Variants in TRIM24 observed in about 807,000 individuals in gnomAD.
TRIM24 encodes transcription intermediary factor 1-alpha.
In TRIM24, 29 loss-of-function variants were observed where a neutral mutation model predicts 123.9. The ratio of observed to expected loss-of-function variants is 0.23; its 90% CI spans 0.17 to 0.32. The LOEUF is 0.32. Among genes scored for constraint, TRIM24 ranks in the 10% least tolerant of loss-of-function variants. The pLI is 1.00. For missense variants in TRIM24, 932 were observed against 1,295.3 expected, an observed-to-expected ratio of 0.72 and a Z score of 4.31; for synonymous variants, 456 against 461.1, an observed-to-expected ratio of 0.99 and a Z score of 0.14.
At chr7:138,560,459 T>C (rs1039212361) in intron 9 of TRIM24, among the ~76,000 whole-genome samples, 7 of 152,170 alleles carry the variant, frequency 4.6e-5, no homozygotes, top group Admixed American at 2.0e-4. Flanking sequence ...AGCCTCTGGC[T>C]CGGGGCAGCT....
chr7:138,569,573 G>A (rs889305266), intron 10 of TRIM24, among the ~76,000 whole-genome samples: 3 of 152,090 alleles, frequency 2.0e-5, no homozygotes, highest in South Asian at 2.1e-4. Context: ...AACCTGAAAC[G>A]ATCCACCAAC....
chr7:138,551,269 A>T, intron 8 of TRIM24, 89 bp downstream of exon 8: 1 of 1,181,746 alleles, frequency 8.5e-7, no homozygotes, highest in Non-Finnish European at 1.3e-6. Flanking sequence ...ATGTTCACTT[A>T]GGCTGGGCAC....
intron 5 of TRIM24, among the ~76,000 whole-genome samples, chr7:138,527,294 A>G (rs1311155538): frequency 6.6e-6 from 1 of 152,040 alleles, no homozygotes; most frequent in African/African-American, 2.4e-5. Context: ...TTTTTCTTCT[A>G]CAAAATAATA....
At chr7:138,497,120 AAG>A (rs1795924007) in intron 1 of TRIM24, among the ~76,000 whole-genome samples, 1 of 152,116 alleles carries the variant, frequency 6.6e-6, no homozygotes, top group South Asian at 2.1e-4. Context: ...TCTTTTCTGA[AAG>A]AGTTTGCTTA....
intron 1 of TRIM24, among the ~76,000 whole-genome samples, chr7:138,470,152 G>A (rs964558128): frequency 1.1e-5 from 1 of 87,378 alleles, no homozygotes; most frequent in African/African-American, 4.8e-5. Context: ...TTTTTTTTGA[G>A]ATGGAGTCTC....
chr7:138,474,218 C>T (rs548912739), intron 1 of TRIM24, among the ~76,000 whole-genome samples: 39 of 151,806 alleles, frequency 2.6e-4, no homozygotes, highest in East Asian at 5.8e-4. Flanking sequence ...CTCTGCCTCC[C>T]GGGTTCACGC....
intron 6 of TRIM24, among the ~76,000 whole-genome samples, chr7:138,533,340 A>G (rs1796788996): frequency 6.6e-6 from 1 of 152,192 alleles, no homozygotes; most frequent in Non-Finnish European, 1.5e-5. Context: ...TCAGTATGAT[A>G]TTGACTGTGG....
intron 7 of TRIM24, among the ~76,000 whole-genome samples, chr7:138,540,224 A>G (rs955056774): frequency 1.3e-5 from 2 of 152,194 alleles, no homozygotes; most frequent in African/African-American, 2.4e-5. Flanking sequence ...AGCTGTGTCA[A>G]TATCTTAAAA....
chr7:138,536,277 A>AGG (rs1463111530), intron 6 of TRIM24, among the ~76,000 whole-genome samples: 1 of 151,950 alleles, frequency 6.6e-6, no homozygotes, highest in African/African-American at 2.4e-5. Flanking sequence ...GTTCCTTTGG[A>AGG]GGGGGAGAGG....
At chr7:138,469,282 AC>A (rs1168469468) in intron 1 of TRIM24, among the ~76,000 whole-genome samples, 10 of 151,740 alleles carry the variant, frequency 6.6e-5, no homozygotes, top group African/African-American at 2.2e-4. Flanking sequence ...AACTAGATGC[AC>A]AAGTTTTTCA....
At chr7:138,557,207 T>C (rs1797332402) in intron 9 of TRIM24, among the ~76,000 whole-genome samples, 1 of 152,208 alleles carries the variant, frequency 6.6e-6, no homozygotes. Flanking sequence ...CAAGGCTTTG[T>C]CAGGGCCCTG....
At chr7:138,575,399 C>T (rs1797735282) in intron 12 of TRIM24, among the ~76,000 whole-genome samples, 1 of 151,720 alleles carries the variant, frequency 6.6e-6, no homozygotes. Context: ...CTCTAGTGAT[C>T]CTCCTGCTTT....
chr7:138,511,229 G>C (rs1208882036), intron 2 of TRIM24, among the ~76,000 whole-genome samples: 3 of 152,088 alleles, frequency 2.0e-5, no homozygotes, highest in African/African-American at 7.2e-5. Flanking sequence ...TGAAGGGGCA[G>C]CAGGCTTGTC....
At chr7:138,523,827 A>G (rs1301147840) in intron 4 of TRIM24, among the ~76,000 whole-genome samples, 3 of 152,014 alleles carry the variant, frequency 2.0e-5, no homozygotes, top group Non-Finnish European at 2.9e-5. Flanking sequence ...ATTCTTTCCA[A>G]CTTGTTATAT....
At chr7:138,494,840 G>A (rs1380892629) in intron 1 of TRIM24, among the ~76,000 whole-genome samples, 1 of 151,956 alleles carries the variant, frequency 6.6e-6, no homozygotes, top group Admixed American at 6.6e-5. Flanking sequence ...TTATTTTAAG[G>A]GTACATCTGC....
intron 1 of TRIM24, among the ~76,000 whole-genome samples, chr7:138,500,288 G>C (rs548543415): frequency 6.6e-6 from 1 of 152,244 alleles, no homozygotes; most frequent in East Asian, 1.9e-4. Context: ...GGCCAGGTAT[G>C]ATGGGTTATG....
chr7:138,563,789 A>G (rs1404137847), intron 9 of TRIM24, among the ~76,000 whole-genome samples: 1 of 152,152 alleles, frequency 6.6e-6, no homozygotes, highest in African/African-American at 2.4e-5. Flanking sequence ...AACTTCTGAG[A>G]TATTTCCTAT....
At chr7:138,529,055 C>T (rs200523837) in intron 5 of TRIM24, 61 bp from the exon 6 acceptor site, 46 of 1,018,126 alleles carry the variant, frequency 4.5e-5, no homozygotes, top group South Asian at 3.9e-4. Context: ...GACATTAAAA[C>T]GTCAATTTTA....
intron 2 of TRIM24, among the ~76,000 whole-genome samples, chr7:138,508,692 T>TGTGTGTGTGTGTGCGCGCGCGCGCGC (rs1422176564): frequency 1.5e-5 from 2 of 137,214 alleles, no homozygotes; most frequent in African/African-American, 5.5e-5. Context: ...TGTGTGTGTG[T>TGTGTGTGTGTGTGCGCGCGCGCGCGC]GCGCGCGCGT....
Sources: gnomAD v4.1 joint callset for allele counts (sites outside exome capture counted in the v4.1 genomes callset) on GRCh38, gnomAD v4.1.1 for gene constraint, MANE v1.5 for transcripts, NCBI Gene and HGNC (gene_info 2026-07-23, HGNC 2026-07-21) for gene names.